The following VPS13A variants were observed in gnomAD, a reference collection of about 807,000 sequenced individuals.
VPS13A encodes vacuolar protein sorting 13 homolog A.
Under a neutral mutation model 390.9 loss-of-function variants are expected in VPS13A, and 264 were observed. The ratio of observed to expected loss-of-function variants is 0.68; its 90% CI spans 0.61 to 0.75. VPS13A has a LOEUF of 0.75. VPS13A is among the 30% of genes least tolerant of loss of function. VPS13A has a pLI of 0.00. For synonymous variants in VPS13A, 1,231 were observed against 1,227.1 expected, an observed-to-expected ratio of 1.00 and a Z score of -0.07; for missense variants, 3,409 against 3,733.9, an observed-to-expected ratio of 0.91 and a Z score of 2.27.
intron 60 of VPS13A, 46 bp from the exon 61 acceptor site, chr9:77,366,681 A>C (rs1319981740): frequency 6.6e-6 from 10 of 1,512,988 alleles, no homozygotes; most frequent in Non-Finnish European, 9.0e-6. Flanking sequence ...TAAAATTGTC[A>C]ATATGAAGAA....
intron 34 of VPS13A, among the ~76,000 whole-genome samples, chr9:77,304,601 T>G (rs1828604159): frequency 6.6e-6 from 1 of 152,224 alleles, no homozygotes; most frequent in Non-Finnish European, 1.5e-5. Context: ...TGAAATAATC[T>G]ATACAAAGGA....
chr9:77,369,838 TAGGG>T (rs1368037464), intron 63 of VPS13A, among the ~76,000 whole-genome samples: 1 of 152,204 alleles, frequency 6.6e-6, no homozygotes, highest in Non-Finnish European at 1.5e-5. Context: ...TATAAATGTA[TAGGG>T]AAATAAAAAA....
At chr9:77,320,266 G>T (rs1263985592) in intron 42 of VPS13A, among the ~76,000 whole-genome samples, 1 of 152,074 alleles carries the variant, frequency 6.6e-6, no homozygotes, top group Non-Finnish European at 1.5e-5. Flanking sequence ...AGCTGCAGAG[G>T]CGTTAAATCC....
intron 59 of VPS13A, 129 bp downstream of exon 59, chr9:77,360,770 G>C: frequency 1.4e-6 from 1 of 710,448 alleles, no homozygotes; most frequent in Non-Finnish European, 2.4e-6. Context: ...TTACTCTCTT[G>C]TGGTACATAC....
chr9:77,371,612 T>A (rs988617998), intron 67 of VPS13A, among the ~76,000 whole-genome samples: 1 of 152,072 alleles, frequency 6.6e-6, no homozygotes, highest in Non-Finnish European at 1.5e-5. Flanking sequence ...TTACCAGCAC[T>A]ACAATATGGC....
intron 15 of VPS13A, among the ~76,000 whole-genome samples, chr9:77,227,005 G>T (rs1165623923): frequency 6.6e-6 from 1 of 152,054 alleles, no homozygotes; most frequent in East Asian, 1.9e-4. Context: ...CTTATTAGCA[G>T]TGTGTCTCTG....
intron 33 of VPS13A, among the ~76,000 whole-genome samples, chr9:77,302,282 A>T (rs1021487130): frequency 6.6e-6 from 1 of 151,366 alleles, no homozygotes. Context: ...TCTTATTTTA[A>T]TGGTTTACTA....
intron 46 of VPS13A, among the ~76,000 whole-genome samples, chr9:77,336,448 C>T (rs114401045): frequency 0.011 from 1,714 of 151,924 alleles, 23 homozygotes; most frequent in African/African-American, 0.026. Context: ...CTATTGACTA[C>T]GTTTTAATAA....
chr9:77,378,226 C>T (rs1389887606), intron 67 of VPS13A, among the ~76,000 whole-genome samples: 5 of 151,760 alleles, frequency 3.3e-5, no homozygotes, highest in South Asian at 2.1e-4. Context: ...CTTTGTGGAG[C>T]GTTGATGTTA....
chr9:77,313,035 G>A (rs562058396), intron 35 of VPS13A, among the ~76,000 whole-genome samples: 1 of 152,176 alleles, frequency 6.6e-6, no homozygotes, highest in African/African-American at 2.4e-5. Flanking sequence ...CAACTCAAAT[G>A]TTCATCAATA....
chr9:77,221,345 G>T lies in VPS13A; in HGVS notation c.1150G>T (p.Val384Leu). The T allele has an allele frequency of 1.2e-6, 2 of 1,612,600 alleles. No homozygotes were observed. The highest frequency in any genetic ancestry group is 2.2e-5 in the East Asian group (1 of 44,818). ...TSKKPPGELL[V>L]SLEELEKTLD... ...TAAGAAGCCACCTGGTGAACTTCTC[G>T]TGTCTTTGGAGGTTAGCATTTAAAA... Residue 384 changes from valine (V) to leucine (L), a missense_variant, in exon 13 of 72, where the codon GTG (valine) becomes TTG (leucine). Physicochemically the swap from Val to Leu is conservative, Grantham distance 32. Coordinates refer to ENST00000360280, the MANE Select transcript of VPS13A (RefSeq NM_033305.3).
intron 68 of VPS13A, among the ~76,000 whole-genome samples, chr9:77,399,424 GGAAAGTA>G (rs957665227): frequency 5.9e-5 from 9 of 152,024 alleles, no homozygotes; most frequent in African/African-American, 1.9e-4. Context: ...AGTTGGGTCT[GGAAAGTA>G]GAAAGTGATG....
In VPS13A at chr9:77,254,004, A is replaced by G. The variant is rs1400025878; in HGVS notation, c.2288+1652A>G. 6.4e-5 allele frequency among the ~76,000 whole-genome samples: 8 copies of G among 125,914 alleles called. No individual in the cohort carries two copies. In the South Asian group the frequency reaches 2.0e-3, roughly 31 times the overall value. 82.6% of individuals were successfully genotyped at this position (125,914 alleles called of 152,430 possible). ...GTCGCCCAGGCTGGAGTGCAGTGGC[A>G]TGATCTCGGCTCACTGCAGGCTCCG... On this transcript the variant is annotated intron_variant, in intron 22 of 71. Coordinates refer to ENST00000360280, the MANE Select transcript of VPS13A (RefSeq NM_033305.3).
intron 33 of VPS13A, among the ~76,000 whole-genome samples, chr9:77,296,143 G>GA (rs1461105271): frequency 2.0e-5 from 3 of 152,070 alleles, no homozygotes; most frequent in African/African-American, 7.2e-5. Context: ...CATGGCTATG[G>GA]AAAAAATGAG....
At position 77,377,220 on chromosome 9, in the gene VPS13A, T is replaced by TTTTTG. The variant is rs1271717795; in HGVS notation, c.9078-4752_9078-4751insGTTTT. Reference sequence around the variant, plus strand: ...TTGATGCTGTTTTTTTTTTTTTTTTTTTTTTTTTTTGAGACGGAGTCTCGC... The same window carrying TTTTTG: ...TTGATGCTGTTTTTTTTTTTTTTTTTTTTTGTTTTTTTTTTGAGACGGAGTCTCGC... On this transcript the variant is annotated intron_variant, in intron 67 of 71. Transcript: ENST00000360280. Among the ~76,000 whole-genome samples, 1,153 of 136,056 alleles carry TTTTTG rather than the reference T, an allele frequency of 8.5e-3. 12 individuals are homozygous for TTTTTG. Among genetic ancestry groups the TTTTTG allele is most frequent in the South Asian group, 0.015 (59 of 3,898 alleles). 89.3% of individuals were successfully genotyped at this position (136,056 alleles called of 152,430 possible).
Position 77,233,644 on chromosome 9 carries a change from G to T in VPS13A, c.1596-4358G>T, listed in dbSNP as rs567438535. ...AACGTATTTTCTGATTTCTCTTGTGGTTTTTTTTTTAACCTGTTGCTTGTT... is the reference window on the plus strand; with the variant it reads ...AACGTATTTTCTGATTTCTCTTGTGTTTTTTTTTTTAACCTGTTGCTTGTT... On this transcript the variant is annotated intron_variant, in intron 17 of 71. Coordinates refer to ENST00000360280, the MANE Select transcript of VPS13A (RefSeq NM_033305.3). 4.1e-5 allele frequency among the ~76,000 whole-genome samples: 6 copies of T among 147,692 alleles called. No individual in the cohort carries two copies. In the East Asian group the frequency reaches 7.9e-4, roughly 19 times the overall value.
At chr9:77,224,586 A>G (rs372886757) in intron 13 of VPS13A, among the ~76,000 whole-genome samples, 2 of 152,216 alleles carry the variant, frequency 1.3e-5, no homozygotes, top group South Asian at 4.1e-4. Flanking sequence ...GAGCCTGAAC[A>G]TGTGACTAAA....
chr9:77,341,554 TC>T (rs1013317740), intron 50 of VPS13A, among the ~76,000 whole-genome samples: 5 of 151,990 alleles, frequency 3.3e-5, no homozygotes, highest in African/African-American at 1.2e-4. Context: ...CCTCCATTCT[TC>T]CGTTTTTTTC....
chr9:77,228,387 C>A, intron 17 of VPS13A, 123 bp downstream of exon 17: 1 of 963,958 alleles, frequency 1.0e-6, no homozygotes, highest in Non-Finnish European at 1.4e-6. Context: ...TTTGTGGTTT[C>A]AGGAAAAAGG....
Sources: allele counts gnomAD v4.1 joint callset (sites outside exome capture counted in the v4.1 genomes callset), GRCh38; gene constraint gnomAD v4.1.1; transcripts MANE v1.5; gene names NCBI Gene and HGNC (gene_info 2026-07-23, HGNC 2026-07-21).